FGF7: variants seen among roughly 807,000 people sequenced by gnomAD.
FGF7 encodes fibroblast growth factor 7.
FGF7 carries 6 observed loss-of-function variants against 20.5 expected under a neutral mutation model. That is an observed-to-expected ratio of 0.29 (90% CI 0.16 to 0.58). FGF7 has a LOEUF of 0.58. Ranked by LOEUF, FGF7 falls within the 20% of genes least tolerant of loss-of-function variation. FGF7 has a pLI of 0.90. For missense variants in FGF7, 144 were observed against 228.8 expected, an observed-to-expected ratio of 0.63 and a Z score of 2.39; for synonymous variants, 64 against 74.7, an observed-to-expected ratio of 0.86 and a Z score of 0.74.
chr15:49,487,743 A>T lies in FGF7; in HGVS notation c.*3239A>T, dbSNP rs1423206504. 2 of 151,934 alleles carry T rather than the reference A, an allele frequency of 1.3e-5. No homozygotes were observed. Among genetic ancestry groups the T allele is most frequent in the Non-Finnish European group, 2.9e-5 (2 of 67,892 alleles). The allele number at this position is 151,934 out of a possible 1,614,324, so 9.4% of individuals were successfully genotyped here. ...AAAGGGGGCCCACCACAGACGGAAC[A>T]TTTCTTTTCTCTTAAGACTCATGTG... is the stretch of plus-strand genomic sequence containing the variant. On this transcript the variant is annotated 3_prime_UTR_variant, in exon 4 of 4. Coordinates refer to ENST00000267843, the MANE Select transcript of FGF7 (RefSeq NM_002009.4).
intron 2 of FGF7, among the ~76,000 whole-genome samples, chr15:49,458,219 G>A (rs550518906): frequency 3.9e-5 from 6 of 151,986 alleles, no homozygotes; most frequent in African/African-American, 1.4e-4. Context: ...AAGTACCAAT[G>A]ACAATAGATT....
intron 2 of FGF7, among the ~76,000 whole-genome samples, chr15:49,450,310 C>G (rs1207897682): frequency 6.6e-6 from 1 of 152,052 alleles, no homozygotes; most frequent in Non-Finnish European, 1.5e-5. Flanking sequence ...ACTCTTTCTT[C>G]CAAATCTTGG....
chr15:49,453,955 C>T (rs561096961), intron 2 of FGF7, among the ~76,000 whole-genome samples: 26 of 152,292 alleles, frequency 1.7e-4, no homozygotes, highest in Admixed American at 1.4e-3. Flanking sequence ...CCAAGTCCTA[C>T]TATTCTATCA....
At chr15:49,446,963 C>G (rs2052277842) in intron 2 of FGF7, among the ~76,000 whole-genome samples, 1 of 151,406 alleles carries the variant, frequency 6.6e-6, no homozygotes, top group Admixed American at 6.6e-5. Flanking sequence ...TCCAGAAGTT[C>G]TGAAGTTTCT....
At chr15:49,430,605 A>C (rs748489756) in intron 2 of FGF7, among the ~76,000 whole-genome samples, 1 of 151,888 alleles carries the variant, frequency 6.6e-6, no homozygotes, top group African/African-American at 2.4e-5. Flanking sequence ...TCCAATATCA[A>C]GGTAATGGCA....
intron 2 of FGF7, among the ~76,000 whole-genome samples, chr15:49,461,835 A>G (rs188209466): frequency 4.6e-5 from 7 of 152,318 alleles, no homozygotes; most frequent in Admixed American, 2.0e-4. Flanking sequence ...CTCTATCTAC[A>G]TATGGTTACT....
chr15:49,449,968 T>C (rs1046576834), intron 2 of FGF7, among the ~76,000 whole-genome samples: 3 of 152,124 alleles, frequency 2.0e-5, no homozygotes, highest in Non-Finnish European at 2.9e-5. Flanking sequence ...GAAAATGTCA[T>C]GCTCAATCAC....
chr15:49,456,658 A>G (rs529440012), intron 2 of FGF7, among the ~76,000 whole-genome samples: 2 of 152,118 alleles, frequency 1.3e-5, no homozygotes, highest in Non-Finnish European at 2.9e-5. Context: ...AGGCAGGATA[A>G]GTGTTCTTTC....
At chr15:49,451,261 T>C (rs930707069) in intron 2 of FGF7, among the ~76,000 whole-genome samples, 1 of 152,098 alleles carries the variant, frequency 6.6e-6, no homozygotes, top group African/African-American at 2.4e-5. Context: ...GACAACTACA[T>C]ATATTGCATA....
chr15:49,426,120 G>A (rs546240977), intron 2 of FGF7, among the ~76,000 whole-genome samples: 1 of 151,422 alleles, frequency 6.6e-6, no homozygotes, highest in African/African-American at 2.4e-5. Flanking sequence ...TGACACATGG[G>A]GCAACTCCCT....
intron 2 of FGF7, chr15:49,434,716 G>A (rs914783125): frequency 2.0e-4 from 30 of 151,182 alleles, no homozygotes; most frequent in Non-Finnish European, 4.0e-4. Flanking sequence ...TGCATGCTTC[G>A]AATGATTGCT....
In FGF7 at chr15:49,485,105, T is replaced by G. The variant is rs1163549731; in HGVS notation, c.*601T>G. The G allele has an allele frequency of 6.6e-6, 1 of 152,140 alleles. No individual in the cohort carries two copies. Among genetic ancestry groups the G allele is most frequent in the Non-Finnish European group, 1.5e-5 (1 of 67,940 alleles). The allele number at this position is 152,140 out of a possible 1,614,324, so 9.4% of individuals were successfully genotyped here. On this transcript the variant is annotated 3_prime_UTR_variant, in exon 4 of 4. Coordinates refer to ENST00000267843, the MANE Select transcript of FGF7 (RefSeq NM_002009.4). ...TAGATAATTTAACAAAAGTACAGGA[T>G]TAGAACATGCTTATACCTATAAATA...
At chr15:49,433,590 A>C (rs1475439647) in intron 2 of FGF7, among the ~76,000 whole-genome samples, 1 of 151,752 alleles carries the variant, frequency 6.6e-6, no homozygotes, top group Non-Finnish European at 1.5e-5. Flanking sequence ...TATCACTAAA[A>C]AAAAATGGCC....
At chr15:49,455,721 T>C (rs1160838982) in intron 2 of FGF7, among the ~76,000 whole-genome samples, 1 of 152,220 alleles carries the variant, frequency 6.6e-6, no homozygotes, top group East Asian at 1.9e-4. Context: ...ATCAAATGTA[T>C]GCTATTTTCT....
At chr15:49,444,469 T>C (rs2051988403) in intron 2 of FGF7, among the ~76,000 whole-genome samples, 1 of 151,744 alleles carries the variant, frequency 6.6e-6, no homozygotes, top group Non-Finnish European at 1.5e-5. Context: ...AAAAAGTAAG[T>C]AGACAAAGAA....
At chr15:49,459,389 C>T (rs1440252322) in intron 2 of FGF7, among the ~76,000 whole-genome samples, 1 of 152,124 alleles carries the variant, frequency 6.6e-6, no homozygotes, top group Admixed American at 6.6e-5. Context: ...ATGTTTATTC[C>T]ATGAATTTTC....
intron 2 of FGF7, among the ~76,000 whole-genome samples, chr15:49,430,320 G>T (rs1384154609): frequency 6.6e-6 from 1 of 151,788 alleles, no homozygotes; most frequent in Non-Finnish European, 1.5e-5. Flanking sequence ...TGAAGTACAG[G>T]CCTCAATGTC....
rs2056450896 is a variant in FGF7, at chr15:49,486,981, A to G, written c.*2477A>G. ...TGGGTAGATATACAGCTGTCACAAG[A>G]GTCTAGATCAGTTAGCACATGCTTT... On this transcript the variant is annotated 3_prime_UTR_variant, in exon 4 of 4. Coordinates refer to ENST00000267843, the MANE Select transcript of FGF7 (RefSeq NM_002009.4). The G allele has an allele frequency of 6.6e-6, 1 of 151,876 alleles. No homozygotes were observed. Among genetic ancestry groups the G allele is most frequent in the African/African-American group, 2.4e-5 (1 of 41,392 alleles). The allele number at this position is 151,876 out of a possible 1,614,324, so 9.4% of individuals were successfully genotyped here. A position where few individuals can be genotyped will look rare whatever the true frequency, so the allele number is the denominator to read the frequency against.
At chr15:49,431,887 T>C (rs1283767142) in intron 2 of FGF7, among the ~76,000 whole-genome samples, 1 of 151,592 alleles carries the variant, frequency 6.6e-6, no homozygotes, top group Non-Finnish European at 1.5e-5. Flanking sequence ...ACAAAACCAC[T>C]AAAATGCTGG....
Sources: allele counts gnomAD v4.1 joint callset (sites outside exome capture counted in the v4.1 genomes callset), GRCh38; gene constraint gnomAD v4.1.1; transcripts MANE v1.5; gene names NCBI Gene and HGNC (gene_info 2026-07-23, HGNC 2026-07-21).